The following CACNA2D3 variants were observed in gnomAD, a reference collection of about 807,000 sequenced individuals.
CACNA2D3 encodes the protein voltage-dependent calcium channel subunit alpha-2/delta-3.
Under a neutral mutation model 160.6 loss-of-function variants are expected in CACNA2D3, and 60 were observed. That is an observed-to-expected ratio of 0.37 (90% CI 0.30 to 0.46). The LOEUF is 0.46. Among genes scored for constraint, CACNA2D3 ranks in the 20% least tolerant of loss-of-function variants. CACNA2D3 has a pLI of 1.00. For missense variants in CACNA2D3, 1,205 were observed against 1,365.0 expected, an observed-to-expected ratio of 0.88 and a Z score of 1.85; for synonymous variants, 558 against 492.9, an observed-to-expected ratio of 1.13 and a Z score of -1.75.
chr3:54,918,405 C>T (rs1332540146), intron 27 of CACNA2D3: 5 of 1,365,590 alleles, frequency 3.7e-6, no homozygotes, highest in Non-Finnish European at 4.0e-6. Context: ...ATCAGCCCTA[C>T]TCAGACACTA....
At chr3:54,743,206 T>C (rs566776494) in intron 11 of CACNA2D3, among the ~76,000 whole-genome samples, 2 of 152,186 alleles carry the variant, frequency 1.3e-5, no homozygotes, top group Non-Finnish European at 2.9e-5. Context: ...CTCCTTCTGC[T>C]CTCACATCTG....
chr3:54,781,154 C>A (rs1016212168), intron 13 of CACNA2D3, among the ~76,000 whole-genome samples: 1 of 152,176 alleles, frequency 6.6e-6, no homozygotes, highest in Non-Finnish European at 1.5e-5. Flanking sequence ...CAAACAGGAA[C>A]AAACTTGGAA....
chr3:54,580,014 TAA>T (rs762587389), intron 8 of CACNA2D3, among the ~76,000 whole-genome samples: 2 of 152,050 alleles, frequency 1.3e-5, no homozygotes, highest in Non-Finnish European at 2.9e-5. Flanking sequence ...CCAGAGAGGA[TAA>T]GTTGGGGGCA....
chr3:55,021,108 A>G lies in CACNA2D3; in HGVS notation c.2987+2791A>G, dbSNP rs116310353. Among the ~76,000 whole-genome samples, 377 of 152,274 alleles carry G rather than the reference A, an allele frequency of 2.5e-3. 1 individual carries two copies. The highest frequency in any genetic ancestry group is 3.7e-3 in the Non-Finnish European group (253 of 68,006). On this transcript the variant is annotated intron_variant, in intron 35 of 37. Transcript: ENST00000474759. The stretch of plus-strand genomic sequence containing the variant: ...AAGGCTTTGTAAAACTTATAAAACT[A>G]TTAGTGACTGGTGGGATTTGTATGT...
intron 5 of CACNA2D3, among the ~76,000 whole-genome samples, chr3:54,524,758 C>CT (rs1355655861): frequency 2.6e-5 from 4 of 152,032 alleles, no homozygotes; most frequent in African/African-American, 9.7e-5. Context: ...TCTTCAGTAA[C>CT]TTTTTTTGTT....
intron 9 of CACNA2D3, among the ~76,000 whole-genome samples, chr3:54,623,341 C>T (rs540189906): frequency 3.8e-4 from 58 of 152,330 alleles, no homozygotes; most frequent in African/African-American, 1.4e-3. Flanking sequence ...AGAGAGAGTC[C>T]TTCCTCCCAC....
At chr3:54,944,465 G>A (rs1490059636) in intron 27 of CACNA2D3, among the ~76,000 whole-genome samples, 2 of 151,730 alleles carry the variant, frequency 1.3e-5, no homozygotes, top group African/African-American at 2.4e-5. Context: ...CTGTCGCCCA[G>A]GCTGGAGTGC....
intron 2 of CACNA2D3, among the ~76,000 whole-genome samples, chr3:54,156,114 A>G (rs573230964): frequency 2.6e-5 from 4 of 152,202 alleles, no homozygotes; most frequent in Non-Finnish European, 4.4e-5. Context: ...CAAATTGCCC[A>G]GGTGTTCAGT....
intron 11 of CACNA2D3, among the ~76,000 whole-genome samples, chr3:54,679,990 C>T (rs1284248641): frequency 6.6e-6 from 1 of 152,202 alleles, no homozygotes; most frequent in South Asian, 2.1e-4. Flanking sequence ...AATTCTAAAA[C>T]CTGTACTTTA....
chr3:55,067,098 TAG>T (rs1704664121), intron 35 of CACNA2D3, among the ~76,000 whole-genome samples: 6 of 148,394 alleles, frequency 4.0e-5, no homozygotes, highest in African/African-American at 1.3e-4. Flanking sequence ...CAATCTTTTG[TAG>T]CGGGGGGGGC....
At chr3:54,701,333 C>G (rs1700763516) in intron 11 of CACNA2D3, among the ~76,000 whole-genome samples, 1 of 152,146 alleles carries the variant, frequency 6.6e-6, no homozygotes, top group African/African-American at 2.4e-5. Flanking sequence ...AAAATCAACC[C>G]TACCATGTAC....
At position 54,581,880 on chromosome 3, in the gene CACNA2D3, A is replaced by G. The variant is rs948696354; in HGVS notation, c.963+3A>G. 2 of 1,613,526 alleles carry G rather than the reference A, an allele frequency of 1.2e-6. No homozygotes were observed. The highest frequency in any genetic ancestry group is 1.7e-6 in the Non-Finnish European group (2 of 1,179,594). On this transcript the variant is annotated splice_donor_region_variant and intron_variant, in intron 9 of 37. Coordinates refer to ENST00000474759, the MANE Select transcript of CACNA2D3 (RefSeq NM_018398.3). Reference sequence around the variant, plus strand: ...AAGCCGACAGGACAAACAAAGAGGTAGGGGCAGCTCGGGGGAGCATTCCAG... The same window carrying G: ...AAGCCGACAGGACAAACAAAGAGGTGGGGGCAGCTCGGGGGAGCATTCCAG...
intron 4 of CACNA2D3, among the ~76,000 whole-genome samples, chr3:54,479,215 G>T (rs556254495): frequency 6.6e-6 from 1 of 152,060 alleles, no homozygotes; most frequent in African/African-American, 2.4e-5. Flanking sequence ...GGACATGTTT[G>T]CTTCCCCTTC....
At chr3:54,655,464 A>C (rs970959476) in intron 11 of CACNA2D3, among the ~76,000 whole-genome samples, 6 of 152,214 alleles carry the variant, frequency 3.9e-5, no homozygotes, top group Non-Finnish European at 8.8e-5. Context: ...GCTGTAGTTA[A>C]AACATAGTTG....
At chr3:54,973,841 A>C (rs373316412) in intron 29 of CACNA2D3, among the ~76,000 whole-genome samples, 1 of 152,202 alleles carries the variant, frequency 6.6e-6, no homozygotes, top group Non-Finnish European at 1.5e-5. Flanking sequence ...AGTAAGTGTC[A>C]AGCGTATTCC....
intron 6 of CACNA2D3, among the ~76,000 whole-genome samples, chr3:54,569,205 T>C (rs1377111314): frequency 3.3e-5 from 5 of 152,242 alleles, no homozygotes; most frequent in African/African-American, 7.2e-5. Context: ...CTCCCCAGGC[T>C]TCAGGAGCTG....
At chr3:54,681,235 A>G (rs1389633764) in intron 11 of CACNA2D3, among the ~76,000 whole-genome samples, 4 of 151,826 alleles carry the variant, frequency 2.6e-5, no homozygotes, top group Non-Finnish European at 5.9e-5. Flanking sequence ...TGTGTCATGT[A>G]TGGATAGAAA....
At chr3:54,475,680 C>T (rs1171950168) in intron 4 of CACNA2D3, among the ~76,000 whole-genome samples, 1 of 152,064 alleles carries the variant, frequency 6.6e-6, no homozygotes, top group Non-Finnish European at 1.5e-5. Context: ...GCGTCCCTCT[C>T]CCAGCTTTAT....
At chr3:54,356,590 C>T (rs1201208245) in intron 3 of CACNA2D3, among the ~76,000 whole-genome samples, 1 of 152,124 alleles carries the variant, frequency 6.6e-6, no homozygotes, top group East Asian at 1.9e-4. Flanking sequence ...ATGCTGCCAG[C>T]ACACAGAGCC....
Sources: allele counts gnomAD v4.1 joint callset (sites outside exome capture counted in the v4.1 genomes callset), GRCh38; gene constraint gnomAD v4.1.1; transcripts MANE v1.5; gene names NCBI Gene and HGNC (gene_info 2026-07-23, HGNC 2026-07-21).